FAM13A: variants seen among roughly 807,000 people sequenced by gnomAD.
FAM13A encodes the protein protein FAM13A.
Under a neutral mutation model 129.6 loss-of-function variants are expected in FAM13A, and 76 were observed. The observed-to-expected ratio is 0.59, with a 90% CI of 0.49 to 0.71. FAM13A has a LOEUF of 0.71. Among genes scored for constraint, FAM13A ranks in the 30% least tolerant of loss-of-function variants. FAM13A has a pLI of 0.00. For missense variants in FAM13A, 1,108 were observed against 1,249.3 expected (o/e 0.89, Z 1.70); for synonymous variants, 443 against 449.9 (o/e 0.98, Z 0.20).
intron 6 of FAM13A, among the ~76,000 whole-genome samples, chr4:88,880,774 G>A (rs368951882): frequency 1.5e-5 from 2 of 132,840 alleles, no homozygotes; most frequent in South Asian, 2.8e-4. Flanking sequence ...CGGGTGGTGC[G>A]GTGGGGGGCG....
chr4:88,946,511 G>T (rs1048329410), intron 4 of FAM13A, among the ~76,000 whole-genome samples: 2 of 147,794 alleles, frequency 1.4e-5, no homozygotes, highest in Non-Finnish European at 3.0e-5. Flanking sequence ...TGGGATGCCA[G>T]ATGATAGAAT....
At chr4:88,759,065 G>T in intron 13 of FAM13A, 164 bp from the exon 14 acceptor site, 1 of 638,888 alleles carries the variant, frequency 1.6e-6, no homozygotes, top group Non-Finnish European at 2.6e-6. Context: ...ATCCTAGCTG[G>T]CCACTTGCAT....
rs746365573 is a variant in FAM13A, at chr4:89,029,659, G to A, written c.28-10C>T. On this transcript the variant is annotated splice_polypyrimidine_tract_variant and intron_variant, in intron 1 of 23. Coordinates refer to ENST00000264344, the MANE Select transcript of FAM13A (RefSeq NM_014883.4). ...CCGCTGCTTTACTTTGCTTAAAGGA[G>A]CGTAAGAAAAAAGAGCAGTCAGTCA... 6 of 1,567,054 alleles carry A rather than the reference G, an allele frequency of 3.8e-6. No homozygotes were observed. The highest frequency in any genetic ancestry group is 4.3e-6 in the Non-Finnish European group (5 of 1,165,696).
At chr4:89,017,575 A>T (rs1472362581) in intron 3 of FAM13A, among the ~76,000 whole-genome samples, 1 of 152,192 alleles carries the variant, frequency 6.6e-6, no homozygotes, top group Admixed American at 6.5e-5. Flanking sequence ...AGTACTAAGA[A>T]TACTTAATAA....
rs181925795 is a variant in FAM13A, at chr4:88,843,564, G to T, written c.1007+7456C>A. On this transcript the variant is annotated intron_variant, in intron 7 of 23. Transcript: ENST00000264344. ...AGTTATGACTGCATTTTTGCTGGCT[G>T]GACTTCAGAAATGAAGTCAGTCATA... 7.2e-5 allele frequency among the ~76,000 whole-genome samples: 11 copies of T among 152,264 alleles called. 1 individual carries two copies. In the East Asian group the frequency reaches 1.9e-3, roughly 27 times the overall value.
At chr4:88,889,082 C>G (rs1283011552) in intron 6 of FAM13A, among the ~76,000 whole-genome samples, 3 of 152,060 alleles carry the variant, frequency 2.0e-5, no homozygotes. Context: ...AGGCAGCAGC[C>G]AGAAAGAAAA....
chr4:88,962,989 T>C (rs1172346789), intron 4 of FAM13A, among the ~76,000 whole-genome samples: 1 of 152,208 alleles, frequency 6.6e-6, no homozygotes, highest in East Asian at 1.9e-4. Context: ...AATTTCTGTG[T>C]AGAGATTTCT....
intron 4 of FAM13A, among the ~76,000 whole-genome samples, chr4:88,959,211 G>C (rs1174939189): frequency 6.6e-6 from 1 of 152,216 alleles, no homozygotes; most frequent in African/African-American, 2.4e-5. Context: ...TATTGGGAAG[G>C]CATGATTGTA....
rs576156448 is a variant in FAM13A at position 88,765,256 on chromosome 4, A to C, written c.1578+2297T>G. ...GAGCTGTTGTTTGCTATGTTATCTT[A>C]TGTGAATCTGAGAGTTTACAAGGAG... is the stretch of plus-strand genomic sequence containing the variant. On this transcript the variant is annotated intron_variant, in intron 13 of 23. Transcript: ENST00000264344. Among the ~76,000 whole-genome samples, 10 of 152,358 alleles carry C rather than the reference A, an allele frequency of 6.6e-5. No individual in the cohort carries two copies. In the South Asian group the frequency reaches 2.1e-3, roughly 32 times the overall value.
chr4:88,753,792 T>C (rs546840111), intron 14 of FAM13A: 1 of 165,272 alleles, frequency 6.1e-6, no homozygotes, highest in East Asian at 1.9e-4. Flanking sequence ...GCTCATGTTT[T>C]GATAGTTGGC....
Position 89,032,703 on chromosome 4 carries a change from G to T in FAM13A, c.28-3054C>A, listed in dbSNP as rs923519713. On this transcript the variant is annotated intron_variant, in intron 1 of 23. Coordinates refer to ENST00000264344, the MANE Select transcript of FAM13A (RefSeq NM_014883.4). ...TAGTAAATATTTATTGTGGTTTGGG[G>T]ACACTTAGTCTCCACTTGTCCTTTT... is the stretch of plus-strand genomic sequence containing the variant. Among the ~76,000 whole-genome samples, 2 of 152,170 alleles carry T rather than the reference G, an allele frequency of 1.3e-5. 1 individual carries two copies. The highest frequency in any genetic ancestry group is 4.8e-5 in the African/African-American group (2 of 41,442).
At chr4:88,946,778 C>T (rs555979881) in intron 4 of FAM13A, among the ~76,000 whole-genome samples, 180 of 151,994 alleles carry the variant, frequency 1.2e-3, no homozygotes, top group African/African-American at 4.1e-3. Context: ...CAGTTATTAT[C>T]CTCCTGAAAG....
intron 4 of FAM13A, among the ~76,000 whole-genome samples, chr4:88,951,025 G>T (rs7674369): frequency 6.6e-6 from 1 of 151,938 alleles, no homozygotes; most frequent in East Asian, 1.9e-4. Context: ...GTGTAAACCC[G>T]GTTGCTGGGT....
At chr4:88,851,864 T>C (rs1012308519) in intron 6 of FAM13A, among the ~76,000 whole-genome samples, 2 of 152,226 alleles carry the variant, frequency 1.3e-5, no homozygotes, top group African/African-American at 4.8e-5. Flanking sequence ...GCCACCAAAA[T>C]ACCTTCATGT....
At position 88,910,929 on chromosome 4, in the gene FAM13A, T is replaced by A. The variant is rs973305786; in HGVS notation, c.760-4467A>T. On this transcript the variant is annotated intron_variant, in intron 5 of 23. Transcript: ENST00000264344. ...TCCCAAAGTGCTGGGATTACAGGCG[T>A]GAGCCACCACGCCCAGCTGCTTTTA... Among the ~76,000 whole-genome samples, 3 of 152,316 alleles carry A rather than the reference T, an allele frequency of 2.0e-5. No individual in the cohort carries two copies. The East Asian group carries it at 5.8e-4, about 29-fold the overall frequency.
At chr4:88,790,769 A>C in intron 8 of FAM13A, 142 bp from the exon 9 acceptor site, 1 of 686,658 alleles carries the variant, frequency 1.5e-6, no homozygotes, top group African/African-American at 1.8e-5. Flanking sequence ...ATCCAATGAA[A>C]GATGCTCATT....
chr4:88,900,805 T>G (rs2150207043), intron 6 of FAM13A, among the ~76,000 whole-genome samples: 1 of 152,164 alleles, frequency 6.6e-6, no homozygotes, highest in South Asian at 2.1e-4. Flanking sequence ...CAATGCTAAC[T>G]TTAAATGTAA....
intron 5 of FAM13A, among the ~76,000 whole-genome samples, chr4:88,909,301 A>G (rs190150544): frequency 2.3e-4 from 35 of 152,302 alleles, no homozygotes; most frequent in Non-Finnish European, 3.7e-4. Context: ...TACAACATGA[A>G]TGAACCTTGA....
intron 1 of FAM13A, among the ~76,000 whole-genome samples, chr4:89,041,563 G>A (rs1202906785): frequency 2.2e-5 from 2 of 90,818 alleles, no homozygotes; most frequent in East Asian, 4.1e-4. Context: ...TTCTCACACA[G>A]TAAGAGAGTT....
Sources: gnomAD v4.1 joint callset for allele counts (sites outside exome capture counted in the v4.1 genomes callset) on GRCh38, gnomAD v4.1.1 for gene constraint, MANE v1.5 for transcripts, NCBI Gene and HGNC (gene_info 2026-07-23, HGNC 2026-07-21) for gene names.